Variants in ATRX observed in about 807,000 individuals in gnomAD.
The protein encoded by ATRX is chromatin remodeler ATRX.
ATRX carries 12 observed loss-of-function variants against 172.6 expected under a neutral mutation model. The observed-to-expected ratio is 0.07, with a 90% CI of 0.04 to 0.11. ATRX has a LOEUF of 0.11. ATRX is among the 10% of genes least tolerant of loss of function. ATRX has a pLI of 1.00. For synonymous variants in ATRX, 674 were observed against 594.7 expected, an observed-to-expected ratio of 1.13 and a Z score of -1.94; for missense variants, 1,368 against 1,767.4, an observed-to-expected ratio of 0.77 and a Z score of 4.05.
chrX:77,637,238 T>C (rs2068427949), intron 15 of ATRX, among the ~76,000 whole-genome samples: 1 of 112,060 alleles, frequency 8.9e-6, no homozygotes, highest in African/African-American at 3.2e-5. Context: ...TAGGAACATA[T>C]AATACCTTCT....
chrX:77,778,582 A>T (rs782309324), intron 1 of ATRX, among the ~76,000 whole-genome samples: 66 of 109,536 alleles, frequency 6.0e-4, no homozygotes, highest in Non-Finnish European at 8.2e-4. Context: ...TTAGCTAGGC[A>T]TGGTGGCACA....
chrX:77,651,538 T>C (rs1266240312), intron 15 of ATRX, among the ~76,000 whole-genome samples: 3 of 111,767 alleles, frequency 2.7e-5, no homozygotes, highest in Admixed American at 9.5e-5. Flanking sequence ...ATAGTGACAG[T>C]AGGAAAAATC....
intron 2 of ATRX, chrX:77,699,525 A>C (rs1192015008): frequency 8.9e-6 from 1 of 111,868 alleles, no homozygotes; most frequent in Non-Finnish European, 1.9e-5. Context: ...GGGGAAGAAA[A>C]GATGAACAAA....
intron 10 of ATRX, 87 bp from the exon 11 acceptor site, chrX:77,664,865 C>T: frequency 3.3e-6 from 3 of 896,990 alleles, no homozygotes; most frequent in Non-Finnish European, 4.6e-6. Flanking sequence ...TTCTTTGAAT[C>T]AAAATAGAAA....
At chrX:77,644,805 A>G (rs1476750291) in intron 15 of ATRX, among the ~76,000 whole-genome samples, 1 of 111,568 alleles carries the variant, frequency 9.0e-6, no homozygotes, top group Non-Finnish European at 1.9e-5. Context: ...AGAGTCACAG[A>G]AGGAGAAAAG....
rs2070037582 is a variant in ATRX at position 77,663,437 on chromosome X, T to C, written c.4065A>G (p.Glu1355=). 1 of 1,211,973 alleles carries C rather than the reference T, an allele frequency of 8.3e-7. No individual in the cohort carries two copies. Among genetic ancestry groups the C allele is most frequent in the East Asian group, 3.0e-5 (1 of 33,871 alleles). ...LTVSDGESGE[E]KKTKPKEHKE... ...TATGCTCTTTAGGCTTTGTCTTTTT[T>C]TCTTCTCCAGATTCTCCGTCACTCA... is the stretch of plus-strand genomic sequence containing the variant. Residue 1355 remains glutamate, a synonymous_variant, in exon 12 of 35, where the codon GAA becomes GAG. Transcript: ENST00000373344.
chrX:77,666,419 C>CA (rs2070239480), intron 10 of ATRX, among the ~76,000 whole-genome samples: 2 of 112,237 alleles, frequency 1.8e-5, no homozygotes, highest in African/African-American at 3.2e-5. Context: ...AATTTAAACC[C>CA]AAATTCCATT....
intron 28 of ATRX, among the ~76,000 whole-genome samples, chrX:77,571,459 T>C (rs1162057771): frequency 9.0e-6 from 1 of 111,341 alleles, no homozygotes; most frequent in African/African-American, 3.3e-5. Flanking sequence ...TCTCAAGAGG[T>C]CACATATAGA....
At chrX:77,760,352 C>G (rs1255115714) in intron 1 of ATRX, among the ~76,000 whole-genome samples, 2 of 105,328 alleles carry the variant, frequency 1.9e-5, no homozygotes, top group African/African-American at 6.9e-5. Flanking sequence ...TCTCAGTAAA[C>G]TATCGCAAGA....
At chrX:77,592,936 T>C (rs149863758) in intron 26 of ATRX, among the ~76,000 whole-genome samples, 94 of 109,341 alleles carry the variant, frequency 8.6e-4, no homozygotes, top group African/African-American at 3.0e-3. Flanking sequence ...AAAGAAAGAA[T>C]AATCAGGCCA....
intron 30 of ATRX, among the ~76,000 whole-genome samples, chrX:77,531,929 C>G (rs2063589120): frequency 8.9e-6 from 1 of 112,123 alleles, no homozygotes; most frequent in Non-Finnish European, 1.9e-5. Flanking sequence ...GAAACTTCAG[C>G]AAATTCTCAG....
At chrX:77,780,798 C>T (rs1042058509) in intron 1 of ATRX, among the ~76,000 whole-genome samples, 16 of 109,630 alleles carry the variant, frequency 1.5e-4, no homozygotes, top group African/African-American at 4.0e-4. Flanking sequence ...AAAAAATTAG[C>T]GGGGCATGAT....
intron 30 of ATRX, among the ~76,000 whole-genome samples, chrX:77,547,232 C>G (rs1417301988): frequency 9.0e-6 from 1 of 111,274 alleles, no homozygotes; most frequent in African/African-American, 3.3e-5. Flanking sequence ...TAAAGTCTAT[C>G]CTAAACTCTC....
At chrX:77,743,822 G>A (rs782649620) in intron 1 of ATRX, among the ~76,000 whole-genome samples, 5 of 111,802 alleles carry the variant, frequency 4.5e-5, no homozygotes, top group African/African-American at 1.6e-4. Context: ...AGCCTGCCTG[G>A]AACTGCCAAC....
chrX:77,513,274 G>A (rs782144433), intron 34 of ATRX, among the ~76,000 whole-genome samples: 49 of 86,864 alleles, frequency 5.6e-4, no homozygotes, highest in African/African-American at 7.4e-4. Context: ...CTGAGATTGC[G>A]CCACTGCACT....
intron 22 of ATRX, among the ~76,000 whole-genome samples, chrX:77,603,414 GGA>G (rs1195094704): frequency 9.1e-6 from 1 of 109,348 alleles, no homozygotes; most frequent in African/African-American, 3.3e-5. Flanking sequence ...TGCCTAGGCT[GGA>G]GTACAGTGGC....
At chrX:77,586,130 A>AT (rs2148069917) in intron 27 of ATRX, among the ~76,000 whole-genome samples, 1 of 112,348 alleles carries the variant, frequency 8.9e-6, no homozygotes, top group Admixed American at 9.4e-5. Context: ...ATTTTTAAAT[A>AT]ACTAAGAGTA....
chrX:77,619,628 C>T, intron 20 of ATRX, among the ~76,000 whole-genome samples: 1 of 110,375 alleles, frequency 9.1e-6, no homozygotes, highest in South Asian at 3.8e-4. Context: ...AATAGGGTAA[C>T]AGAATAGAAA....
intron 2 of ATRX, among the ~76,000 whole-genome samples, chrX:77,712,441 T>A (rs1286883434): frequency 1.8e-5 from 2 of 112,614 alleles, no homozygotes; most frequent in African/African-American, 6.4e-5. Flanking sequence ...AAAGAAATAC[T>A]GAACTATAGT....
Sources: allele counts gnomAD v4.1 joint callset (sites outside exome capture counted in the v4.1 genomes callset), GRCh38; gene constraint gnomAD v4.1.1; transcripts MANE v1.5; gene names NCBI Gene and HGNC (gene_info 2026-07-23, HGNC 2026-07-21).